WDPCP: variants seen among roughly 807,000 people sequenced by gnomAD.
The protein encoded by WDPCP is WD repeat-containing and planar cell polarity effector protein fritz homolog.
A neutral mutation model predicts 93.1 loss-of-function variants in WDPCP; 71 were observed. The ratio of observed to expected loss-of-function variants is 0.76; its 90% CI spans 0.63 to 0.93. WDPCP has a LOEUF of 0.93. Ranked by LOEUF, WDPCP falls within the 40% of genes least tolerant of loss-of-function variation. The probability of loss-of-function intolerance (pLI) is 0.00; values close to 1 mark genes in which losing one functional copy is unlikely to be tolerated. For synonymous variants in WDPCP, 315 were observed against 315.0 expected, an observed-to-expected ratio of 1.00 and a Z score of 0.00; for missense variants, 844 against 887.4, an observed-to-expected ratio of 0.95 and a Z score of 0.62.
chr2:63,419,236 G>A (rs1302628648), intron 9 of WDPCP, among the ~76,000 whole-genome samples: 2 of 152,214 alleles, frequency 1.3e-5, no homozygotes, highest in East Asian at 3.9e-4. Flanking sequence ...TCCACCTCCC[G>A]GGTTCAAGCA....
At chr2:63,573,840 T>A (rs1473895007) in intron 1 of WDPCP, among the ~76,000 whole-genome samples, 2 of 152,196 alleles carry the variant, frequency 1.3e-5, no homozygotes, top group African/African-American at 4.8e-5. Context: ...AGAAAGAGAA[T>A]GCGTCCCTGA....
rs542634126 is a variant in WDPCP at position 63,570,562 on chromosome 2, G to T, written c.75+17635C>A. 5.3e-4 allele frequency among the ~76,000 whole-genome samples: 80 copies of T among 152,282 alleles called. 1 individual carries two copies. Among genetic ancestry groups the T allele is most frequent in the Non-Finnish European group, 1.1e-3 (75 of 68,026 alleles). ...GATGAACTTGGGATAGGTATTACCT[G>T]CCCTAGGGATTAACCACAGGGATAC... On this transcript the variant is annotated intron_variant, in intron 1 of 17. Transcript: ENST00000272321.
chr2:63,281,168 A>G (rs145256273), intron 13 of WDPCP, among the ~76,000 whole-genome samples: 22 of 152,214 alleles, frequency 1.4e-4, no homozygotes, highest in Admixed American at 1.4e-3. Flanking sequence ...AAAGTAGGCT[A>G]AGGACATGAA....
At chr2:63,385,280 G>A (rs1215789827) in intron 10 of WDPCP, among the ~76,000 whole-genome samples, 3 of 152,026 alleles carry the variant, frequency 2.0e-5, no homozygotes, top group Admixed American at 2.0e-4. Context: ...TGTACCAGAT[G>A]TCCTAGCTGT....
intron 3 of WDPCP, among the ~76,000 whole-genome samples, chr2:63,600,812 T>G (rs1709404661): frequency 6.6e-6 from 1 of 152,218 alleles, no homozygotes; most frequent in African/African-American, 2.4e-5. Context: ...GCAGTTTGAG[T>G]TCTGTGGGAC....
chr2:63,723,491 T>C lies in WDPCP; in HGVS notation n.309-72653A>G, dbSNP rs1056736662. On this transcript the variant is annotated intron_variant and non_coding_transcript_variant, in intron 2 of 4. Transcript: ENST00000467687. ...TTTGTAGAAATTATCATAATGCATC[T>C]AAAGAATTCTCCCAGAACAGAATCT... Among the ~76,000 whole-genome samples the C allele has an allele frequency of 6.6e-5, 10 of 152,188 alleles. 1 individual carries two copies. Among genetic ancestry groups the C allele is most frequent in the Admixed American group, 6.5e-4 (10 of 15,274 alleles).
At chr2:63,659,577 C>A (rs1023325882) in intron 2 of WDPCP, among the ~76,000 whole-genome samples, 1 of 152,104 alleles carries the variant, frequency 6.6e-6, no homozygotes, top group Non-Finnish European at 1.5e-5. Flanking sequence ...AAGGCCTATA[C>A]ACACTAGAAG....
At chr2:63,575,362 T>C (rs1707864112) in intron 1 of WDPCP, among the ~76,000 whole-genome samples, 1 of 131,226 alleles carries the variant, frequency 7.6e-6, no homozygotes, top group Non-Finnish European at 1.6e-5. Context: ...GTATATACAG[T>C]ATATACAGTA....
At chr2:63,500,984 A>G (rs1337922229) in intron 1 of WDPCP, among the ~76,000 whole-genome samples, 1 of 152,200 alleles carries the variant, frequency 6.6e-6, no homozygotes, top group Non-Finnish European at 1.5e-5. Context: ...TACAACTGTC[A>G]TCTCATGGCA....
At chr2:63,812,420 A>T (rs1363831162) in intron 2 of WDPCP, among the ~76,000 whole-genome samples, 1 of 152,186 alleles carries the variant, frequency 6.6e-6, no homozygotes, top group African/African-American at 2.4e-5. Context: ...TCCTTTAAAT[A>T]TATACCCACT....
intron 2 of WDPCP, among the ~76,000 whole-genome samples, chr2:63,745,643 T>TACACACACAC (rs5831669): frequency 7.3e-4 from 109 of 149,772 alleles, no homozygotes; most frequent in African/African-American, 2.4e-3. Flanking sequence ...TGCACGCACT[T>TACACACACAC]ACACACACAC....
In WDPCP at chr2:63,439,756, C is replaced by G. The variant is rs1697377645; in HGVS notation, c.499+1G>C. 3.1e-6 allele frequency: 5 copies of G among 1,612,350 alleles called. No individual in the cohort carries two copies. The highest frequency in any genetic ancestry group is 2.2e-5 in the East Asian group (1 of 44,852). On this transcript the variant is annotated splice_donor_variant, in intron 7 of 17. Transcript: ENST00000272321. LOFTEE classifies it high-confidence loss of function. Reference sequence around the variant, plus strand: ...ATTGATTTGCACATGGGGGTAATTACCATCACTGATGGTGTCTGAGATGAG... The same window carrying G: ...ATTGATTTGCACATGGGGGTAATTAGCATCACTGATGGTGTCTGAGATGAG...
At chr2:63,474,965 C>T (rs1164252008) in intron 6 of WDPCP, among the ~76,000 whole-genome samples, 1 of 152,086 alleles carries the variant, frequency 6.6e-6, no homozygotes, top group Non-Finnish European at 1.5e-5. Context: ...TCCCTTTGGG[C>T]TTCTCTGTGT....
chr2:63,626,764 G>T (rs1030819029), intron 3 of WDPCP, among the ~76,000 whole-genome samples: 9 of 152,158 alleles, frequency 5.9e-5, no homozygotes, highest in African/African-American at 2.2e-4. Flanking sequence ...GGCAGACATT[G>T]TTGCCATTCC....
At position 63,705,405 on chromosome 2, in the gene WDPCP, G is replaced by C. The variant is rs188660330; in HGVS notation, n.309-54567C>G. 1.1e-4 allele frequency among the ~76,000 whole-genome samples: 16 copies of C among 152,224 alleles called. No individual in the cohort carries two copies. The East Asian group carries it at 2.1e-3, about 20-fold the overall frequency. Reference sequence around the variant, plus strand: ...ATTGTGATGTAGGGTGTCAATTTTAGATCTTTCCTGCTTTCTCTTGTGGGC... The same window carrying C: ...ATTGTGATGTAGGGTGTCAATTTTACATCTTTCCTGCTTTCTCTTGTGGGC... On this transcript the variant is annotated intron_variant and non_coding_transcript_variant, in intron 2 of 4. Coordinates refer to the WDPCP transcript ENST00000467687.
intron 2 of WDPCP, among the ~76,000 whole-genome samples, chr2:63,490,245 C>T (rs1228832899): frequency 7.9e-5 from 12 of 151,948 alleles, no homozygotes; most frequent in Admixed American, 7.9e-4. Flanking sequence ...TAAACTGGTC[C>T]ATTTAGACTG....
chr2:63,310,703 G>C (rs1159851459), intron 13 of WDPCP, among the ~76,000 whole-genome samples: 1 of 152,096 alleles, frequency 6.6e-6, no homozygotes, highest in Non-Finnish European at 1.5e-5. Context: ...TAAAATATTT[G>C]CAAAACTAAG....
chr2:63,140,042 T>C (rs1670938602), intron 17 of WDPCP, among the ~76,000 whole-genome samples: 2 of 152,354 alleles, frequency 1.3e-5, no homozygotes, highest in South Asian at 4.1e-4. Context: ...GCTAGCCAAT[T>C]ATCCCAGCAC....
At chr2:63,700,433 G>C (rs547410307) in intron 2 of WDPCP, among the ~76,000 whole-genome samples, 1 of 152,072 alleles carries the variant, frequency 6.6e-6, no homozygotes, top group African/African-American at 2.4e-5. Flanking sequence ...AATCAAGTGA[G>C]TCAACTGCAC....
Sources: gnomAD v4.1 joint callset for allele counts (sites outside exome capture counted in the v4.1 genomes callset) on GRCh38, gnomAD v4.1.1 for gene constraint, MANE v1.5 for transcripts, NCBI Gene and HGNC (gene_info 2026-07-23, HGNC 2026-07-21) for gene names.